AFF2: variants seen among roughly 807,000 people sequenced by gnomAD.
AFF2 encodes the protein ALF transcription elongation factor 2, also known as AF4/FMR2 family member 2.
Under a neutral mutation model 76.9 loss-of-function variants are expected in AFF2, and 14 were observed. The observed-to-expected ratio is 0.18, with a 90% CI of 0.12 to 0.28. AFF2 has a LOEUF of 0.28. AFF2 is among the 10% of genes least tolerant of loss of function. AFF2 has a pLI of 1.00. For missense variants in AFF2, 868 were observed against 1,001.1 expected (o/e 0.87, Z 1.79); for synonymous variants, 398 against 366.7 (o/e 1.09, Z -0.98).
At chrX:148,574,680 T>C (rs2053265566) in intron 1 of AFF2, among the ~76,000 whole-genome samples, 1 of 111,451 alleles carries the variant, frequency 9.0e-6, no homozygotes, top group Non-Finnish European at 1.9e-5. Flanking sequence ...TTGTGCTTCA[T>C]GAAGATGATG....
chrX:148,586,468 A>G (rs2053470857), intron 1 of AFF2, among the ~76,000 whole-genome samples: 1 of 112,115 alleles, frequency 8.9e-6, no homozygotes, highest in Non-Finnish European at 1.9e-5. Flanking sequence ...ACAAGAGGAT[A>G]ATACTCAGAT....
At chrX:148,587,593 GA>G (rs1295664136) in intron 1 of AFF2, among the ~76,000 whole-genome samples, 1 of 112,090 alleles carries the variant, frequency 8.9e-6, no homozygotes, top group African/African-American at 3.2e-5. Context: ...GGCCTGTAGT[GA>G]AAGTTTGAGT....
At chrX:148,574,301 C>T (rs2053261830) in intron 1 of AFF2, among the ~76,000 whole-genome samples, 1 of 111,050 alleles carries the variant, frequency 9.0e-6, no homozygotes, top group Non-Finnish European at 1.9e-5. Context: ...TATTTCTGGC[C>T]CTTCTGCCCT....
intron 7 of AFF2, among the ~76,000 whole-genome samples, chrX:148,848,101 G>T (rs994114648): frequency 1.8e-5 from 2 of 110,732 alleles, no homozygotes; most frequent in Admixed American, 9.7e-5. Context: ...TTCCTCACGG[G>T]ATTTGATAAG....
At chrX:148,576,718 C>T (rs782654579) in intron 1 of AFF2, among the ~76,000 whole-genome samples, 1 of 111,007 alleles carries the variant, frequency 9.0e-6, no homozygotes, top group African/African-American at 3.3e-5. Context: ...AAGGTGGCTA[C>T]CCACCAAAAA....
At chrX:148,824,857 G>T (rs1488361627) in intron 4 of AFF2, among the ~76,000 whole-genome samples, 1 of 111,236 alleles carries the variant, frequency 9.0e-6, no homozygotes, top group African/African-American at 3.3e-5. Context: ...GGCAACAAAA[G>T]GAGACCCACA....
chrX:148,712,388 A>G (rs1557262979), intron 3 of AFF2, among the ~76,000 whole-genome samples: 1 of 111,675 alleles, frequency 9.0e-6, no homozygotes, highest in Non-Finnish European at 1.9e-5. Flanking sequence ...GTAGAATTTC[A>G]TATATAAAAA....
chrX:148,580,745 G>GTGTGTA (rs782656290), intron 1 of AFF2, among the ~76,000 whole-genome samples: 2 of 106,011 alleles, frequency 1.9e-5, no homozygotes, highest in Non-Finnish European at 3.9e-5. Flanking sequence ...GTGTGTGTGT[G>GTGTGTA]TATATATATA....
Position 148,956,588 on chromosome X carries a change from C to T in AFF2, c.2543C>T (p.Ala848Val). 8.3e-7 allele frequency: 1 copy of T among 1,210,486 alleles called. No individual in the cohort carries two copies. The highest frequency in any genetic ancestry group is 1.1e-6 in the Non-Finnish European group (1 of 894,984). The change falls in exon 11 of 21, where the codon GCC becomes GTC. Residue 848 changes from alanine to valine, a missense_variant. Around this residue, in one of 6 missense-constraint regions of AFF2, gnomAD observed 532 missense variants for 564.2 expected, o/e 0.94. Coordinates refer to ENST00000370460, the MANE Select transcript of AFF2 (RefSeq NM_002025.4). The part of the protein sequence containing the change: ...QTAVTAVEKP[A>V]PKGKRKHKPI... ...GCTGTCACAGCTGTGGAGAAACCAG[C>T]CCCTAAGGGCAAACGTAAGCACAAG... is the stretch of plus-strand genomic sequence containing the variant.
chrX:148,609,022 C>G (rs2053701336), intron 1 of AFF2, among the ~76,000 whole-genome samples: 1 of 111,218 alleles, frequency 9.0e-6, no homozygotes, highest in African/African-American at 3.3e-5. Flanking sequence ...TTCACTTTTA[C>G]CCATGCTGAC....
intron 7 of AFF2, among the ~76,000 whole-genome samples, chrX:148,857,411 G>C (rs1557276002): frequency 8.9e-6 from 1 of 111,862 alleles, no homozygotes; most frequent in Admixed American, 9.5e-5. Context: ...TATTAAGTGA[G>C]GGTCTAAAAT....
At chrX:148,615,612 T>C (rs2053789982) in intron 1 of AFF2, among the ~76,000 whole-genome samples, 1 of 111,900 alleles carries the variant, frequency 8.9e-6, no homozygotes, top group African/African-American at 3.2e-5. Flanking sequence ...TGCTCTTGGC[T>C]TTGCCGCCTG....
chrX:148,543,103 C>CT (rs2052878576), intron 1 of AFF2, among the ~76,000 whole-genome samples: 1 of 111,372 alleles, frequency 9.0e-6, no homozygotes, highest in Non-Finnish European at 1.9e-5. Flanking sequence ...AATTGTAGAC[C>CT]CTGGTATTCA....
chrX:148,529,613 G>A (rs1358188210), intron 1 of AFF2, among the ~76,000 whole-genome samples: 1 of 111,654 alleles, frequency 9.0e-6, no homozygotes, highest in Non-Finnish European at 1.9e-5. Context: ...TGATATTTTA[G>A]CAAAAACCTT....
At chrX:148,574,882 G>A (rs2053267322) in intron 1 of AFF2, among the ~76,000 whole-genome samples, 1 of 110,279 alleles carries the variant, frequency 9.1e-6, no homozygotes, top group African/African-American at 3.3e-5. Context: ...TGTAAGTATA[G>A]TATCAGTAAC....
intron 9 of AFF2, among the ~76,000 whole-genome samples, chrX:148,935,173 T>TAC (rs1438135578): frequency 1.8e-4 from 20 of 108,416 alleles, no homozygotes; most frequent in Non-Finnish European, 2.3e-4. Flanking sequence ...TATATATATA[T>TAC]ACACACACAC....
chrX:148,654,277 A>C (rs1181438539), intron 2 of AFF2, among the ~76,000 whole-genome samples: 1 of 111,728 alleles, frequency 9.0e-6, no homozygotes, highest in African/African-American at 3.3e-5. Context: ...GGCTGTTTGG[A>C]TTTGGCAGTT....
At chrX:148,828,907 G>C (rs2070420118) in intron 4 of AFF2, among the ~76,000 whole-genome samples, 1 of 112,053 alleles carries the variant, frequency 8.9e-6, no homozygotes, top group African/African-American at 3.2e-5. Context: ...TCAGAATACT[G>C]ATCACTATAC....
chrX:148,979,605 C>T (rs781845518), intron 18 of AFF2, among the ~76,000 whole-genome samples: 1 of 112,108 alleles, frequency 8.9e-6, no homozygotes, highest in Non-Finnish European at 1.9e-5. Flanking sequence ...AATAAGTTCC[C>T]TGGTGATGCT....
Sources: allele counts gnomAD v4.1 joint callset (sites outside exome capture counted in the v4.1 genomes callset), GRCh38; gene constraint gnomAD v4.1.1; regional missense constraint gnomAD v4.1.1; transcripts MANE v1.5; gene names NCBI Gene and HGNC (gene_info 2026-07-23, HGNC 2026-07-21).